GABRG1: variants seen among roughly 807,000 people sequenced by gnomAD.
The protein encoded by GABRG1 is gamma-aminobutyric acid receptor subunit gamma-1.
Under a neutral mutation model 49.8 loss-of-function variants are expected in GABRG1, and 49 were observed. The observed-to-expected ratio is 0.98, with a 90% CI of 0.78 to 1.25. GABRG1 has a LOEUF of 1.25. GABRG1 is among the 50% of genes most tolerant of loss of function. GABRG1 has a pLI of 0.00. For missense variants in GABRG1, 552 were observed against 552.3 expected, an observed-to-expected ratio of 1.00 and a Z score of 0.01; for synonymous variants, 232 against 185.1, an observed-to-expected ratio of 1.25 and a Z score of -2.06.
chr4:46,065,731 C>T, intron 3 of GABRG1, 147 bp from the exon 4 acceptor site: 1 of 577,742 alleles, frequency 1.7e-6, no homozygotes, highest in Non-Finnish European at 3.0e-6. Flanking sequence ...TTATTTTAAA[C>T]TTTTTTTTTG....
chr4:46,090,116 G>T (rs144257422), intron 2 of GABRG1, among the ~76,000 whole-genome samples: 9 of 151,800 alleles, frequency 5.9e-5, no homozygotes, highest in African/African-American at 2.2e-4. Flanking sequence ...AAAGACAAAG[G>T]GTACTAAAAC....
chr4:46,088,797 G>GTGTT (rs1482229456), intron 2 of GABRG1, among the ~76,000 whole-genome samples: 4 of 145,482 alleles, frequency 2.7e-5, no homozygotes, highest in Non-Finnish European at 6.0e-5. Context: ...TGGCATGTGT[G>GTGTT]TGTGTGTTTG....
At chr4:46,118,132 G>GTGTGTATATATATATATATATATATATA (rs377481920) in intron 1 of GABRG1, among the ~76,000 whole-genome samples, 1 of 109,984 alleles carries the variant, frequency 9.1e-6, no homozygotes, top group African/African-American at 5.6e-5. Context: ...GTGTGTGTGT[G>GTGTGTATATATATATATATATATATATA]TATATATATA....
Position 46,039,449 on chromosome 4 carries a change from C to T in GABRG1, c.*1539G>A, listed in dbSNP as rs763119396. ...TGCCAGACATTCACTAACCACGCAG[C>T]GGAATTATAACATTAAAAACTAGAG... On this transcript the variant is annotated 3_prime_UTR_variant, in exon 9 of 9. Transcript: ENST00000295452. 5.3e-5 allele frequency: 8 copies of T among 151,482 alleles called. No individual in the cohort carries two copies. The highest frequency in any genetic ancestry group is 1.3e-4 in the Admixed American group (2 of 15,120). The allele number at this position is 151,482 out of a possible 1,614,324, so 9.4% of individuals were successfully genotyped here.
intron 1 of GABRG1, among the ~76,000 whole-genome samples, chr4:46,099,439 A>G (rs963528604): frequency 6.6e-6 from 1 of 151,736 alleles, no homozygotes. Context: ...ATGTAATCTG[A>G]GTGAGACATA....
chr4:46,120,839 T>C (rs1440073921), intron 1 of GABRG1, among the ~76,000 whole-genome samples: 3 of 151,866 alleles, frequency 2.0e-5, no homozygotes, highest in Non-Finnish European at 4.4e-5. Context: ...GCTCTTTCAA[T>C]GTATAACTCT....
At chr4:46,080,859 A>G (rs1326509096) in intron 3 of GABRG1, among the ~76,000 whole-genome samples, 3 of 151,890 alleles carry the variant, frequency 2.0e-5, no homozygotes, top group Non-Finnish European at 2.9e-5. Context: ...GAAACTAAAC[A>G]TTACAATACT....
In GABRG1 at chr4:46,079,581, T is replaced by G. The variant is rs368412595; in HGVS notation, c.321+4405A>C. On this transcript the variant is annotated intron_variant, in intron 3 of 8. Coordinates refer to ENST00000295452, the MANE Select transcript of GABRG1 (RefSeq NM_173536.4). Reference sequence around the variant, plus strand: ...TTTCTATATTAGTCATCTCTTAATATTGGATTATATAAGGGTATACCAGTT... The same window carrying G: ...TTTCTATATTAGTCATCTCTTAATAGTGGATTATATAAGGGTATACCAGTT... Among the ~76,000 whole-genome samples, 7 of 152,094 alleles carry G rather than the reference T, an allele frequency of 4.6e-5. No homozygotes were observed. In the East Asian group the frequency reaches 1.2e-3, roughly 25 times the overall value.
chr4:46,115,026 C>T (rs940665094), intron 1 of GABRG1, among the ~76,000 whole-genome samples: 1 of 150,538 alleles, frequency 6.6e-6, no homozygotes, highest in Non-Finnish European at 1.5e-5. Context: ...TGTATGATTC[C>T]TAAATTTTTG....
intron 1 of GABRG1, among the ~76,000 whole-genome samples, chr4:46,120,171 C>T (rs991082918): frequency 3.3e-5 from 5 of 151,654 alleles, no homozygotes; most frequent in Non-Finnish European, 5.9e-5. Flanking sequence ...CACTTGAAAG[C>T]CTGCCCATAT....
rs1157681140 is a variant in GABRG1 at position 46,090,947 on chromosome 4, CACACACAT to C, written c.253+6246_253+6253del. On this transcript the variant is annotated intron_variant, in intron 2 of 8. Coordinates refer to ENST00000295452, the MANE Select transcript of GABRG1 (RefSeq NM_173536.4). The stretch of plus-strand genomic sequence containing the variant: ...CTTCCCTGGAATACACACACACACA[CACACACAT>C]ACACACACACACACACACACACACA... Among the ~76,000 whole-genome samples, 191 of 119,402 alleles carry C rather than the reference CACACACAT, an allele frequency of 1.6e-3. 2 individuals carry two copies. The highest frequency in any genetic ancestry group is 0.011 in the Admixed American group (121 of 11,464). 78.3% of individuals were successfully genotyped at this position (119,402 alleles called of 152,430 possible).
In GABRG1 at chr4:46,053,173, G is replaced by T. The variant is rs542674742; in HGVS notation, c.917-1535C>A. On this transcript the variant is annotated intron_variant, in intron 7 of 8. Coordinates refer to ENST00000295452, the MANE Select transcript of GABRG1 (RefSeq NM_173536.4). ...AAATTTCCAAATATACAAGGCCATT[G>T]TCAGTTATATTATTTTTATTTATTT... Among the ~76,000 whole-genome samples, 55 of 151,528 alleles carry T rather than the reference G, an allele frequency of 3.6e-4. 1 individual carries two copies. The highest frequency in any genetic ancestry group is 3.6e-3 in the Admixed American group (54 of 15,154).
chr4:46,040,096 T>A lies in GABRG1; in HGVS notation c.*892A>T, dbSNP rs186983339. The A allele has an allele frequency of 1.3e-5, 2 of 151,866 alleles. No homozygotes were observed. Among genetic ancestry groups the A allele is most frequent in the African/African-American group, 2.4e-5 (1 of 41,440 alleles). The allele number at this position is 151,866 out of a possible 1,614,324, so 9.4% of individuals were successfully genotyped here. On this transcript the variant is annotated 3_prime_UTR_variant, in exon 9 of 9. Coordinates refer to ENST00000295452, the MANE Select transcript of GABRG1 (RefSeq NM_173536.4). ...TAAATACAAGCAATGTTCCTCAATA[T>A]TTTTATTTTAGGGACTGCAACACTT... is the stretch of plus-strand genomic sequence containing the variant.
chr4:46,084,937 CAGTTAT>C (rs993877521), intron 2 of GABRG1, among the ~76,000 whole-genome samples: 19 of 151,520 alleles, frequency 1.3e-4, no homozygotes, highest in African/African-American at 4.3e-4. Context: ...AAAATTAAGC[CAGTTAT>C]AGTTAGATTT....
intron 5 of GABRG1, among the ~76,000 whole-genome samples, chr4:46,058,875 T>A (rs1019246958): frequency 6.6e-6 from 1 of 152,068 alleles, no homozygotes; most frequent in Non-Finnish European, 1.5e-5. Flanking sequence ...ACCCAATATG[T>A]CCACCCCAAT....
intron 1 of GABRG1, among the ~76,000 whole-genome samples, chr4:46,107,636 T>C (rs531382720): frequency 6.8e-6 from 1 of 147,450 alleles, no homozygotes; most frequent in East Asian, 2.0e-4. Context: ...TTTGAATCAT[T>C]AAATAGAAAT....
intron 1 of GABRG1, among the ~76,000 whole-genome samples, chr4:46,119,688 A>G (rs925973641): frequency 1.3e-5 from 2 of 151,460 alleles, no homozygotes; most frequent in Non-Finnish European, 1.5e-5. Flanking sequence ...TTCTTTCAGT[A>G]TATCTTCAAA....
At chr4:46,113,688 C>A (rs1720789146) in intron 1 of GABRG1, among the ~76,000 whole-genome samples, 1 of 151,116 alleles carries the variant, frequency 6.6e-6, no homozygotes, top group Non-Finnish European at 1.5e-5. Flanking sequence ...CTGTGTATTT[C>A]TCCCTCCTGA....
intron 5 of GABRG1, among the ~76,000 whole-genome samples, chr4:46,061,812 A>G (rs958584079): frequency 1.8e-5 from 2 of 108,604 alleles, no homozygotes; most frequent in Non-Finnish European, 3.9e-5. Context: ...GTTACCACTT[A>G]CATTTTTTTT....
Sources: gnomAD v4.1 joint callset for allele counts (sites outside exome capture counted in the v4.1 genomes callset) on GRCh38, gnomAD v4.1.1 for gene constraint, MANE v1.5 for transcripts, NCBI Gene and HGNC (gene_info 2026-07-23, HGNC 2026-07-21) for gene names.